The following ATP6V1H variants were observed in gnomAD, a reference collection of about 807,000 sequenced individuals.
ATP6V1H encodes V-type proton ATPase subunit H.
ATP6V1H carries 39 observed loss-of-function variants against 71.7 expected under a neutral mutation model. That is an observed-to-expected ratio of 0.54 (90% CI 0.42 to 0.71). The LOEUF (loss-of-function observed/expected upper bound fraction) is 0.71, where lower values mean the gene tolerates loss of function less well. Ranked by LOEUF, ATP6V1H falls within the 30% of genes least tolerant of loss-of-function variation. The pLI, the probability that ATP6V1H is intolerant of heterozygous loss-of-function variation, is 0.00. For missense variants in ATP6V1H, 509 were observed against 594.9 expected, an observed-to-expected ratio of 0.86 and a Z score of 1.50; for synonymous variants, 192 against 199.3, an observed-to-expected ratio of 0.96 and a Z score of 0.31.
intron 13 of ATP6V1H, among the ~76,000 whole-genome samples, chr8:53,718,652 G>A (rs903510858): frequency 4.6e-5 from 7 of 152,266 alleles, no homozygotes; most frequent in Admixed American, 2.6e-4. Context: ...AGCCCCTAAA[G>A]TGCTGGGGTT....
Position 53,772,102 on chromosome 8 carries a change from G to A in ATP6V1H, c.936C>T (p.Cys312=), listed in dbSNP as rs769827999. ...RQEYALAMIQ[C]KVLKQLENLE... ...AGTTCTCCAACTGTTTCAGAACTTT[G>A]CACTGAATCATAGCCAGGGCATATT... Residue 312 remains cysteine (C), a synonymous_variant, in exon 10 of 14, where the codon TGC becomes TGT. Coordinates refer to ENST00000359530, the MANE Select transcript of ATP6V1H (RefSeq NM_015941.4). 1.9e-6 allele frequency: 3 copies of A among 1,614,000 alleles called. No homozygotes were observed. The South Asian group carries it at 3.3e-5, about 18-fold the overall frequency.
intron 11 of ATP6V1H, among the ~76,000 whole-genome samples, chr8:53,769,240 A>G (rs1040853641): frequency 6.6e-6 from 1 of 152,184 alleles, no homozygotes; most frequent in African/African-American, 2.4e-5. Flanking sequence ...CTAGCCATAC[A>G]GGGAAAGACT....
chr8:53,817,906 G>A (rs1357431471), intron 4 of ATP6V1H, among the ~76,000 whole-genome samples: 3 of 152,080 alleles, frequency 2.0e-5, no homozygotes, highest in Non-Finnish European at 4.4e-5. Context: ...AGCAGGAAGA[G>A]CACAAATTAG....
At chr8:53,775,179 G>A (rs1808822507) in intron 9 of ATP6V1H, among the ~76,000 whole-genome samples, 1 of 152,152 alleles carries the variant, frequency 6.6e-6, no homozygotes, top group African/African-American at 2.4e-5. Flanking sequence ...GGCTCTTAAG[G>A]CGGCGCATGT....
chr8:53,832,791 C>T (rs1811048609), intron 3 of ATP6V1H, 193 bp downstream of exon 3: 1 of 404,166 alleles, frequency 2.5e-6, no homozygotes. Context: ...AACTTCTTTT[C>T]CAGAAATTTG....
At chr8:53,834,369 T>A (rs1355738558) in intron 2 of ATP6V1H, among the ~76,000 whole-genome samples, 2 of 152,226 alleles carry the variant, frequency 1.3e-5, no homozygotes, top group Non-Finnish European at 1.5e-5. Flanking sequence ...AGTGTAAAAT[T>A]AAAAATTTTT....
intron 13 of ATP6V1H, among the ~76,000 whole-genome samples, chr8:53,733,786 G>T (rs549580322): frequency 2.6e-5 from 4 of 152,178 alleles, no homozygotes; most frequent in Non-Finnish European, 1.5e-5. Context: ...TTTGAATAGG[G>T]GTCTCAACAG....
intron 8 of ATP6V1H, among the ~76,000 whole-genome samples, chr8:53,797,862 T>C (rs868643312): frequency 1.3e-5 from 2 of 151,890 alleles, no homozygotes; most frequent in Admixed American, 1.3e-4. Context: ...TACCAAAAAA[T>C]TTCCCAAAAA....
chr8:53,818,516 T>C (rs1810528237), intron 4 of ATP6V1H, among the ~76,000 whole-genome samples: 1 of 152,224 alleles, frequency 6.6e-6, no homozygotes, highest in Non-Finnish European at 1.5e-5. Context: ...TGAGTCATTA[T>C]TGTTTAGAAT....
chr8:53,806,810 A>G (rs1810090439), intron 7 of ATP6V1H: 1 of 453,028 alleles, frequency 2.2e-6, no homozygotes. Context: ...TACAAAGCCC[A>G]TTTTATAATC....
intron 2 of ATP6V1H, 79 bp from the exon 3 acceptor site, chr8:53,833,165 T>C: frequency 8.8e-7 from 1 of 1,133,800 alleles, no homozygotes; most frequent in South Asian, 1.4e-5. Flanking sequence ...TCAGTCCTTC[T>C]CTTCTCTCCT....
chr8:53,725,300 C>A (rs1806774743), intron 13 of ATP6V1H, among the ~76,000 whole-genome samples: 1 of 152,118 alleles, frequency 6.6e-6, no homozygotes, highest in Admixed American at 6.5e-5. Flanking sequence ...GACGCCTGTG[C>A]CACCGTGGGA....
chr8:53,779,620 A>G lies in ATP6V1H; in HGVS notation c.871-7453T>C, dbSNP rs188707389. ...AACACCTGTTATTTCTTTCTAAACA[A>G]ATTATTTTCTGAGAGGGGAGGTGTA... On this transcript the variant is annotated intron_variant, in intron 9 of 13. Coordinates refer to ENST00000359530, the MANE Select transcript of ATP6V1H (RefSeq NM_015941.4). Among the ~76,000 whole-genome samples, 3 of 151,830 alleles carry G rather than the reference A, an allele frequency of 2.0e-5. No homozygotes were observed. In the East Asian group the frequency reaches 5.8e-4, roughly 29 times the overall value.
chr8:53,740,105 CAT>C (rs1243880167), intron 13 of ATP6V1H, among the ~76,000 whole-genome samples: 3 of 152,174 alleles, frequency 2.0e-5, no homozygotes, highest in African/African-American at 7.2e-5. Flanking sequence ...CTCCATACTC[CAT>C]ATGATATAAA....
intron 12 of ATP6V1H, among the ~76,000 whole-genome samples, chr8:53,746,846 A>AT (rs1807619200): frequency 6.6e-6 from 1 of 152,174 alleles, no homozygotes; most frequent in Non-Finnish European, 1.5e-5. Context: ...ATATTTGATG[A>AT]TTTTTTAGAA....
intron 2 of ATP6V1H, among the ~76,000 whole-genome samples, chr8:53,837,572 G>A (rs1337839891): frequency 6.6e-6 from 1 of 151,912 alleles, no homozygotes; most frequent in Non-Finnish European, 1.5e-5. Flanking sequence ...GAATGAAGAG[G>A]CCAAAGAATC....
rs182782074 is a variant in ATP6V1H at position 53,773,950 on chromosome 8, T to C, written c.871-1783A>G. On this transcript the variant is annotated intron_variant, in intron 9 of 13. Coordinates refer to ENST00000359530, the MANE Select transcript of ATP6V1H (RefSeq NM_015941.4). ...GAAAAAGAGTAAGTGAACTTGAAAA[T>C]AGGTTAAAGTTATCCAAGGAGAAGA... is the stretch of plus-strand genomic sequence containing the variant. Among the ~76,000 whole-genome samples the C allele has an allele frequency of 3.4e-4, 51 of 151,906 alleles. 1 individual carries two copies. Among genetic ancestry groups the C allele is most frequent in the Admixed American group, 2.2e-3 (34 of 15,270 alleles).
intron 7 of ATP6V1H, 52 bp downstream of exon 7, chr8:53,811,112 C>G (rs1166594803): frequency 3.9e-6 from 6 of 1,547,892 alleles, no homozygotes; most frequent in Non-Finnish European, 3.6e-6. Context: ...GTGTATATGA[C>G]TCAAAATAAT....
intron 13 of ATP6V1H, among the ~76,000 whole-genome samples, chr8:53,732,789 C>G (rs539815771): frequency 6.6e-6 from 1 of 152,098 alleles, no homozygotes; most frequent in Non-Finnish European, 1.5e-5. Context: ...CAGAAATTCT[C>G]CCTCCATATG....
Sources: gnomAD v4.1 joint callset for allele counts (sites outside exome capture counted in the v4.1 genomes callset) on GRCh38, gnomAD v4.1.1 for gene constraint, MANE v1.5 for transcripts, NCBI Gene and HGNC (gene_info 2026-07-23, HGNC 2026-07-21) for gene names.